MYO3A: variants seen among roughly 807,000 people sequenced by gnomAD.
The protein encoded by MYO3A is myosin IIIA.
MYO3A carries 180 observed loss-of-function variants against 192.7 expected under a neutral mutation model. The observed-to-expected ratio is 0.93, with a 90% confidence interval of 0.83 to 1.06. MYO3A has a LOEUF of 1.06. MYO3A is among the 50% of genes least tolerant of loss of function. The pLI is 0.00. For synonymous variants in MYO3A, 628 were observed against 645.3 expected (o/e 0.97, Z 0.41); for missense variants, 1,896 against 1,905.0 (o/e 1.00, Z 0.09).
chr10:25,951,479 G>A (rs937165366), intron 2 of MYO3A, among the ~76,000 whole-genome samples: 1 of 152,106 alleles, frequency 6.6e-6, no homozygotes, highest in African/African-American at 2.4e-5. Context: ...GGCAGAGGGG[G>A]TCAGGAATAG....
At chr10:25,957,384 AT>A (rs1837621475) in intron 4 of MYO3A, among the ~76,000 whole-genome samples, 1 of 152,114 alleles carries the variant, frequency 6.6e-6, no homozygotes, top group Non-Finnish European at 1.5e-5. Context: ...TTCCACCATG[AT>A]TGTGAGGCCT....
chr10:26,183,260 C>A (rs1164946523), intron 31 of MYO3A, among the ~76,000 whole-genome samples: 1 of 152,192 alleles, frequency 6.6e-6, no homozygotes, highest in African/African-American at 2.4e-5. Flanking sequence ...CGTGGTGGCT[C>A]ACGCCTGTAA....
chr10:26,117,645 A>G (rs979092423), intron 17 of MYO3A, among the ~76,000 whole-genome samples: 1 of 152,134 alleles, frequency 6.6e-6, no homozygotes, highest in Non-Finnish European at 1.5e-5. Flanking sequence ...CCTCCAGTCC[A>G]TCCATGTCCC....
intron 9 of MYO3A, among the ~76,000 whole-genome samples, chr10:26,024,927 G>T (rs765902522): frequency 6.6e-6 from 1 of 152,158 alleles, no homozygotes; most frequent in Non-Finnish European, 1.5e-5. Context: ...TCTATAACTA[G>T]ACAGTAAGCA....
chr10:26,088,469 T>C (rs1836480214), intron 15 of MYO3A, 64 bp downstream of exon 15: 1 of 1,447,530 alleles, frequency 6.9e-7, no homozygotes, highest in South Asian at 1.2e-5. Context: ...ACTTTAATAG[T>C]AAAATGTCTT....
chr10:26,048,210 C>T (rs1222071820), intron 10 of MYO3A, among the ~76,000 whole-genome samples: 1 of 152,120 alleles, frequency 6.6e-6, no homozygotes, highest in Non-Finnish European at 1.5e-5. Context: ...TTATCTCTGG[C>T]TGTTCAGTTG....
intron 6 of MYO3A, among the ~76,000 whole-genome samples, chr10:25,999,016 G>C (rs1840621283): frequency 2.0e-5 from 3 of 152,068 alleles, no homozygotes. Flanking sequence ...TCCTGCCTGA[G>C]CCTACCTAGT....
At chr10:26,155,106 A>G (rs1347204426) in intron 25 of MYO3A, among the ~76,000 whole-genome samples, 3 of 152,194 alleles carry the variant, frequency 2.0e-5, no homozygotes, top group Non-Finnish European at 4.4e-5. Context: ...AATAAAACCT[A>G]AAAGGATTTT....
chr10:26,188,165 C>T (rs981708794), intron 31 of MYO3A, among the ~76,000 whole-genome samples: 3 of 152,168 alleles, frequency 2.0e-5, no homozygotes, highest in African/African-American at 7.2e-5. Context: ...TGTTTCCTGA[C>T]TTTTTAATGA....
At chr10:26,035,690 G>T (rs549719297) in intron 10 of MYO3A, among the ~76,000 whole-genome samples, 2 of 152,242 alleles carry the variant, frequency 1.3e-5, no homozygotes, top group South Asian at 4.1e-4. Context: ...AGCCAACAAA[G>T]CTGTAACTCA....
intron 6 of MYO3A, among the ~76,000 whole-genome samples, chr10:26,000,448 CA>C (rs967482500): frequency 9.9e-5 from 15 of 151,130 alleles, no homozygotes; most frequent in African/African-American, 3.6e-4. Flanking sequence ...ATGCAAATTG[CA>C]AAAAAAATGA....
intron 31 of MYO3A, among the ~76,000 whole-genome samples, 154 bp from the exon 32 acceptor site, chr10:26,193,051 G>T (rs1300981737): frequency 6.6e-6 from 1 of 152,132 alleles, no homozygotes; most frequent in East Asian, 1.9e-4. Flanking sequence ...GTGAGGAGTA[G>T]GATAAGGGTT....
chr10:25,968,861 C>G (rs1476770527), intron 4 of MYO3A, among the ~76,000 whole-genome samples: 1 of 152,166 alleles, frequency 6.6e-6, no homozygotes, highest in East Asian at 1.9e-4. Flanking sequence ...ATGCTACCTG[C>G]CTATTAGTGA....
At chr10:25,989,556 A>G (rs1745014694) in intron 4 of MYO3A, among the ~76,000 whole-genome samples, 1 of 152,176 alleles carries the variant, frequency 6.6e-6, no homozygotes, top group African/African-American at 2.4e-5. Flanking sequence ...CAGTTTTTTC[A>G]TGTTTAACAT....
chr10:26,074,310 A>G (rs1835395011), intron 14 of MYO3A, among the ~76,000 whole-genome samples: 1 of 152,034 alleles, frequency 6.6e-6, no homozygotes, highest in African/African-American at 2.4e-5. Context: ...TTCCTTATGC[A>G]TTTGGAATTT....
At chr10:26,203,951 C>T (rs1843792005) in intron 34 of MYO3A, 1 of 152,192 alleles carries the variant, frequency 6.6e-6, no homozygotes, top group Non-Finnish European at 1.5e-5. Context: ...ATTTCCATAT[C>T]TGCAAAAGAA....
intron 26 of MYO3A, among the ~76,000 whole-genome samples, chr10:26,159,715 T>C (rs1841386068): frequency 6.6e-6 from 1 of 152,168 alleles, no homozygotes; most frequent in Non-Finnish European, 1.5e-5. Context: ...GATTATTTAT[T>C]TGGAATGCTT....
chr10:25,980,473 T>C (rs1389839152), intron 4 of MYO3A, among the ~76,000 whole-genome samples: 2 of 152,190 alleles, frequency 1.3e-5, no homozygotes, highest in Non-Finnish European at 2.9e-5. Context: ...TTATGATTCT[T>C]CTAAATTCCA....
chr10:26,120,711 C>T lies in MYO3A; in HGVS notation c.1812C>T (p.Ile604=). The change falls in exon 18 of 35, where the codon ATC becomes ATT. Residue 604 remains isoleucine (I), a synonymous_variant. Coordinates refer to ENST00000642920, the MANE Select transcript of MYO3A (RefSeq NM_017433.5). ...GTATATACAGCATACTCGCTGCAAT[C>T]TTGAATGTTGGCAACATTGAATTTT... ...LGSIYSILAA[I]LNVGNIEFSS... The T allele has an allele frequency of 6.2e-7, 1 of 1,614,078 alleles. No homozygotes were observed. The highest frequency in any genetic ancestry group is 8.5e-7 in the Non-Finnish European group (1 of 1,179,994).
Sources: allele counts gnomAD v4.1 joint callset (sites outside exome capture counted in the v4.1 genomes callset), GRCh38; gene constraint gnomAD v4.1.1; transcripts MANE v1.5; gene names NCBI Gene and HGNC (gene_info 2026-07-23, HGNC 2026-07-21).